HSPA12A: variants seen among roughly 807,000 people sequenced by gnomAD.
The protein encoded by HSPA12A is heat shock 70 kDa protein 12A.
Under a neutral mutation model 69.2 loss-of-function variants are expected in HSPA12A, and 28 were observed. The ratio of observed to expected loss-of-function variants is 0.40; its 90% CI spans 0.30 to 0.55. The LOEUF (loss-of-function observed/expected upper bound fraction) is 0.55, where lower values mean the gene tolerates loss of function less well. Among genes scored for constraint, HSPA12A ranks in the 20% least tolerant of loss-of-function variants. HSPA12A has a pLI of 0.38. For synonymous variants in HSPA12A, 345 were observed against 370.5 expected (o/e 0.93, Z 0.79); for missense variants, 686 against 900.7 (o/e 0.76, Z 3.05).
intron 2 of HSPA12A, among the ~76,000 whole-genome samples, chr10:116,764,694 G>T (rs997201028): frequency 5.3e-5 from 8 of 152,034 alleles, no homozygotes; most frequent in Non-Finnish European, 5.9e-5. Flanking sequence ...TTTTGACTTG[G>T]AGTGCTTTAT....
At chr10:116,804,926 C>A (rs1269857863) in intron 2 of HSPA12A, among the ~76,000 whole-genome samples, 1 of 152,158 alleles carries the variant, frequency 6.6e-6, no homozygotes, top group Non-Finnish European at 1.5e-5. Context: ...AAAAGATAGG[C>A]GAGCCTTGCA....
chr10:116,848,031 T>C (rs1845926205), intron 1 of HSPA12A, among the ~76,000 whole-genome samples: 1 of 152,124 alleles, frequency 6.6e-6, no homozygotes, highest in Admixed American at 6.5e-5. Flanking sequence ...AGCAGGTGCC[T>C]TTCTTCCAGG....
rs1301615502 is a variant in HSPA12A at position 116,710,911 on chromosome 10, C to A, written c.41-3626G>T. On this transcript the variant is annotated intron_variant, in intron 1 of 11. Transcript: ENST00000369209. The surrounding 1 kb of genome is among the most constrained non-coding windows in gnomAD (Gnocchi z 4.1). Reference sequence around the variant, plus strand: ...TCAAAAATTCTCAGGGGAAAAAAAACGGAAAAGCCTATCTCACCCCCTGAG... The same window carrying A: ...TCAAAAATTCTCAGGGGAAAAAAAAAGGAAAAGCCTATCTCACCCCCTGAG... 6.6e-6 allele frequency among the ~76,000 whole-genome samples: 1 copy of A among 152,062 alleles called. No homozygotes were observed. Among genetic ancestry groups the A allele is most frequent in the Non-Finnish European group, 1.5e-5 (1 of 68,012 alleles).
upstream of HSPA12A, chr10:116,850,120 TTAAG>T: frequency 3.2e-6 from 1 of 312,094 alleles, no homozygotes; most frequent in Non-Finnish European, 6.2e-6. Context: ...CTCACCGACC[TTAAG>T]CAGCTCCTCT....
At chr10:116,847,628 G>GT (rs1246757071) in intron 1 of HSPA12A, among the ~76,000 whole-genome samples, 36 of 152,274 alleles carry the variant, frequency 2.4e-4, no homozygotes, top group African/African-American at 8.7e-4. Context: ...TGTGAGTTAA[G>GT]TACTTATTAA....
intron 1 of HSPA12A, chr10:116,835,405 T>C (rs1457631739): frequency 1.3e-5 from 2 of 152,726 alleles, no homozygotes; most frequent in Non-Finnish European, 2.9e-5. Flanking sequence ...TCTTTCTCCA[T>C]TTACCTTGGA....
intron 2 of HSPA12A, among the ~76,000 whole-genome samples, chr10:116,773,625 G>C (rs1231971965): frequency 6.6e-6 from 1 of 152,196 alleles, no homozygotes. Flanking sequence ...TGGCCAACCT[G>C]CCCAGCTCAC....
At chr10:116,813,851 T>G (rs1845246383) in intron 2 of HSPA12A, among the ~76,000 whole-genome samples, 1 of 151,770 alleles carries the variant, frequency 6.6e-6, no homozygotes, top group Middle Eastern at 3.2e-3. Flanking sequence ...ACCACTGCAC[T>G]CCAGCCTGGG....
chr10:116,732,334 A>C (rs565271346), intron 1 of HSPA12A, among the ~76,000 whole-genome samples: 1 of 149,118 alleles, frequency 6.7e-6, no homozygotes, highest in East Asian at 2.0e-4. Context: ...AAAACAAAGA[A>C]AGAAAGAAAG....
intron 2 of HSPA12A, among the ~76,000 whole-genome samples, chr10:116,767,897 C>G (rs1844115378): frequency 6.6e-6 from 1 of 152,150 alleles, no homozygotes; most frequent in South Asian, 2.1e-4. Flanking sequence ...ACGTGTACCC[C>G]CAGTATCTCA....
At chr10:116,715,389 A>G (rs1850574326) in intron 1 of HSPA12A, among the ~76,000 whole-genome samples, 1 of 152,246 alleles carries the variant, frequency 6.6e-6, no homozygotes, top group South Asian at 2.1e-4. Flanking sequence ...GCCAATTAGA[A>G]ACGTAAATGC....
intron 2 of HSPA12A, among the ~76,000 whole-genome samples, chr10:116,801,354 T>C (rs1844951196): frequency 6.6e-6 from 1 of 152,214 alleles, no homozygotes; most frequent in South Asian, 2.1e-4. Flanking sequence ...TTTTCAGGTG[T>C]AAACAACCAA....
At chr10:116,802,803 G>A (rs1844986531) in intron 2 of HSPA12A, among the ~76,000 whole-genome samples, 1 of 152,312 alleles carries the variant, frequency 6.6e-6, no homozygotes, top group South Asian at 2.1e-4. Context: ...GCCCACTGTT[G>A]GGCTTGGCCG....
chr10:116,711,810 C>T (rs1850441173), intron 1 of HSPA12A, among the ~76,000 whole-genome samples: 1 of 151,686 alleles, frequency 6.6e-6, no homozygotes. Context: ...ACTACAGGCG[C>T]CTGCCAACGC....
chr10:116,681,450 C>G (rs1336332999), intron 8 of HSPA12A, among the ~76,000 whole-genome samples, 194 bp from the exon 9 acceptor site: 1 of 152,202 alleles, frequency 6.6e-6, no homozygotes, highest in Non-Finnish European at 1.5e-5. Flanking sequence ...GATGGTTAGA[C>G]ATGGACGATG....
chr10:116,798,425 C>T (rs749764510), intron 2 of HSPA12A, among the ~76,000 whole-genome samples: 2 of 152,176 alleles, frequency 1.3e-5, no homozygotes, highest in East Asian at 1.9e-4. Flanking sequence ...CACTTAACCT[C>T]GCATAACTTC....
chr10:116,847,864 G>A (rs1845922058), intron 1 of HSPA12A, among the ~76,000 whole-genome samples: 1 of 152,156 alleles, frequency 6.6e-6, no homozygotes, highest in Non-Finnish European at 1.5e-5. Context: ...GATGTCAAAT[G>A]AATCAAGACA....
At chr10:116,841,782 T>C (rs2133223054) in intron 1 of HSPA12A, among the ~76,000 whole-genome samples, 1 of 152,214 alleles carries the variant, frequency 6.6e-6, no homozygotes, top group South Asian at 2.1e-4. Context: ...TTGTGACTGT[T>C]TTTTCTTTTT....
chr10:116,674,748 G>T lies in HSPA12A; in HGVS notation c.*33C>A. 2 of 1,576,498 alleles carry T rather than the reference G, an allele frequency of 1.3e-6. No individual in the cohort carries two copies. Among genetic ancestry groups the T allele is most frequent in the Non-Finnish European group, 1.7e-6 (2 of 1,162,078 alleles). ...TGAGGTCAGCAGATGCAGATAAGTT[G>T]AGTCCAAGGGGACAGGCAGCGGGGC... On this transcript the variant is annotated 3_prime_UTR_variant, in exon 12 of 12. Transcript: ENST00000369209.
Sources: allele counts gnomAD v4.1 joint callset (sites outside exome capture counted in the v4.1 genomes callset), GRCh38; gene constraint gnomAD v4.1.1; non-coding constraint Gnocchi (gnomAD v3.1); transcripts MANE v1.5; gene names NCBI Gene and HGNC (gene_info 2026-07-23, HGNC 2026-07-21).